The following TLK1 variants were observed in gnomAD, a reference collection of about 807,000 sequenced individuals.
TLK1 encodes serine/threonine-protein kinase tousled-like 1.
A neutral mutation model predicts 105.3 loss-of-function variants in TLK1; 24 were observed. That is an observed-to-expected ratio of 0.23 (90% confidence interval 0.17 to 0.32). The LOEUF (loss-of-function observed/expected upper bound fraction) is 0.32, where lower values mean the gene tolerates loss of function less well. TLK1 is among the 10% of genes least tolerant of loss of function. The pLI is 1.00. For missense variants in TLK1, 558 were observed against 910.5 expected, an observed-to-expected ratio of 0.61 and a Z score of 4.98; for synonymous variants, 321 against 310.4, an observed-to-expected ratio of 1.03 and a Z score of -0.36.
intron 2 of TLK1, among the ~76,000 whole-genome samples, chr2:171,092,981 C>G (rs1012163032): frequency 6.6e-6 from 1 of 152,098 alleles, no homozygotes; most frequent in Non-Finnish European, 1.5e-5. Context: ...TAAAGCAAGT[C>G]CAGAAGGACC....
At chr2:171,196,742 AG>A (rs1693283112) in intron 1 of TLK1, among the ~76,000 whole-genome samples, 1 of 152,208 alleles carries the variant, frequency 6.6e-6, no homozygotes, top group Non-Finnish European at 1.5e-5. Context: ...AGCAGTCTGG[AG>A]GCCATTGTCA....
intron 8 of TLK1, among the ~76,000 whole-genome samples, chr2:171,051,616 T>C (rs549681116): frequency 7.2e-5 from 11 of 152,346 alleles, no homozygotes; most frequent in Admixed American, 3.9e-4. Flanking sequence ...ATATCTGAGC[T>C]GCCCACTTCT....
intron 1 of TLK1, among the ~76,000 whole-genome samples, chr2:171,149,620 A>G (rs1575631058): frequency 1.3e-5 from 2 of 152,284 alleles, no homozygotes; most frequent in Non-Finnish European, 2.9e-5. Flanking sequence ...AAAACTATAC[A>G]ATAGACTGGG....
chr2:170,998,393 C>A (rs913884894), intron 18 of TLK1, among the ~76,000 whole-genome samples: 1 of 152,168 alleles, frequency 6.6e-6, no homozygotes, highest in Non-Finnish European at 1.5e-5. Flanking sequence ...TATCTTCCCC[C>A]ACCCTAACCC....
chr2:171,117,076 TCA>T (rs1411491096), intron 2 of TLK1, among the ~76,000 whole-genome samples: 1 of 152,210 alleles, frequency 6.6e-6, no homozygotes, highest in East Asian at 1.9e-4. Context: ...GCACCCAGGA[TCA>T]GTTTCATGGA....
chr2:171,191,928 G>T (rs1693162325), intron 1 of TLK1, among the ~76,000 whole-genome samples: 1 of 152,090 alleles, frequency 6.6e-6, no homozygotes, highest in Admixed American at 6.5e-5. Context: ...TCAAGGCTTT[G>T]AGAGGTCCAG....
intron 2 of TLK1, among the ~76,000 whole-genome samples, chr2:171,106,205 A>G (rs1317632733): frequency 1.3e-5 from 2 of 152,186 alleles, no homozygotes; most frequent in Non-Finnish European, 2.9e-5. Context: ...GGGAGGGGAC[A>G]GCCAACAGTT....
rs192966567 is a variant in TLK1, at chr2:171,133,712, T to A, written c.140-15855A>T. Among the ~76,000 whole-genome samples the A allele has an allele frequency of 5.9e-5, 9 of 151,972 alleles. No homozygotes were observed. In the East Asian group the frequency reaches 1.5e-3, roughly 26 times the overall value. On this transcript the variant is annotated intron_variant, in intron 1 of 20. Transcript: ENST00000431350. ...TGAACAATGATGAATACAGGTTGAG[T>A]ATCCCTTATCCAAAATGCCCAGGAG...
At chr2:171,052,418 G>T (rs1687285963) in intron 8 of TLK1, among the ~76,000 whole-genome samples, 1 of 152,120 alleles carries the variant, frequency 6.6e-6, no homozygotes. Flanking sequence ...CATGTACAAA[G>T]AATGTTCTTA....
At chr2:171,181,085 C>T (rs1692921692) in intron 1 of TLK1, among the ~76,000 whole-genome samples, 1 of 152,120 alleles carries the variant, frequency 6.6e-6, no homozygotes, top group African/African-American at 2.4e-5. Flanking sequence ...TCTGATCTTT[C>T]AACAGAAGCT....
intron 2 of TLK1, among the ~76,000 whole-genome samples, chr2:171,089,658 TTAA>T (rs2105487442): frequency 6.6e-6 from 1 of 152,292 alleles, no homozygotes; most frequent in East Asian, 1.9e-4. Flanking sequence ...TCAGACTGAC[TTAA>T]TAACTAACTT....
At chr2:171,178,045 G>A (rs1171082313) in intron 1 of TLK1, among the ~76,000 whole-genome samples, 1 of 152,002 alleles carries the variant, frequency 6.6e-6, no homozygotes, top group Non-Finnish European at 1.5e-5. Flanking sequence ...TGATCCACCC[G>A]CCTTGGCCTC....
chr2:171,121,261 C>T lies in TLK1; in HGVS notation c.140-3404G>A, dbSNP rs572390436. Reference sequence around the variant, plus strand: ...TTTAAAAAAAAATAATTAGATGTCGCGGCGCCTGCCTATAATCCCAGCACT... The same window carrying T: ...TTTAAAAAAAAATAATTAGATGTCGTGGCGCCTGCCTATAATCCCAGCACT... On this transcript the variant is annotated intron_variant, in intron 1 of 20. Transcript: ENST00000431350. Among the ~76,000 whole-genome samples, 19 of 152,084 alleles carry T rather than the reference C, an allele frequency of 1.2e-4. No homozygotes were observed. In the South Asian group the frequency reaches 3.5e-3, roughly 28 times the overall value.
chr2:171,213,528 T>A (rs76725944), intron 1 of TLK1, among the ~76,000 whole-genome samples: 27,161 of 150,982 alleles, frequency 0.18, 2,544 homozygotes, highest in South Asian at 0.25. Context: ...AAAAAAAAAA[T>A]TTATTTTAGT....
intron 1 of TLK1, among the ~76,000 whole-genome samples, chr2:171,141,535 C>A (rs1490703236): frequency 1.3e-5 from 2 of 151,860 alleles, no homozygotes; most frequent in Non-Finnish European, 2.9e-5. Context: ...AATATAAACA[C>A]CCCCACTCCA....
At chr2:171,060,108 A>G (rs2105444789) in intron 4 of TLK1, 1 of 1,472,112 alleles carries the variant, frequency 6.8e-7, no homozygotes, top group Non-Finnish European at 9.0e-7. Flanking sequence ...TGAAACAAGA[A>G]AAAACAATTT....
chr2:171,096,103 G>A (rs550998559), intron 2 of TLK1, among the ~76,000 whole-genome samples: 1 of 152,166 alleles, frequency 6.6e-6, no homozygotes, highest in African/African-American at 2.4e-5. Context: ...ATTTGCAGAT[G>A]ACATAATTGT....
intron 1 of TLK1, among the ~76,000 whole-genome samples, chr2:171,151,667 G>C (rs1173525317): frequency 6.6e-6 from 1 of 151,504 alleles, no homozygotes; most frequent in African/African-American, 2.4e-5. Flanking sequence ...AGTAGAGACA[G>C]GGTTTCACCG....
At chr2:171,111,441 A>G (rs1277072866) in intron 2 of TLK1, among the ~76,000 whole-genome samples, 1 of 151,938 alleles carries the variant, frequency 6.6e-6, no homozygotes, top group East Asian at 1.9e-4. Flanking sequence ...AAACTAGCCG[A>G]ATGTCATGGT....
Sources: gnomAD v4.1 joint callset for allele counts (sites outside exome capture counted in the v4.1 genomes callset) on GRCh38, gnomAD v4.1.1 for gene constraint, MANE v1.5 for transcripts, NCBI Gene and HGNC (gene_info 2026-07-23, HGNC 2026-07-21) for gene names.